MSRA: variants seen among roughly 807,000 people sequenced by gnomAD.
MSRA encodes the protein mitochondrial peptide methionine sulfoxide reductase.
Under a neutral mutation model 31.3 loss-of-function variants are expected in MSRA, and 54 were observed. The ratio of observed to expected loss-of-function variants is 1.73; its 90% CI spans 1.39 to 2.17. The LOEUF is 2.17. Among genes scored for constraint, MSRA ranks in the 30% most tolerant of loss-of-function variants. MSRA has a pLI of 0.00. For missense variants in MSRA, 507 were observed against 300.9 expected, an observed-to-expected ratio of 1.69 and a Z score of -5.07; for synonymous variants, 169 against 116.5, an observed-to-expected ratio of 1.45 and a Z score of -2.90.
chr8:10,266,981 ATCAGTGTTTTG>A (rs1798780083), intron 3 of MSRA, among the ~76,000 whole-genome samples: 1 of 152,218 alleles, frequency 6.6e-6, no homozygotes. Flanking sequence ...ATTAAGGGCA[ATCAGTGTTTTG>A]TTATATTCCT....
At chr8:10,419,152 T>C (rs1218662710) in intron 5 of MSRA, among the ~76,000 whole-genome samples, 2 of 152,062 alleles carry the variant, frequency 1.3e-5, no homozygotes, top group Non-Finnish European at 2.9e-5. Context: ...CCGACCCTGC[T>C]CTGTAGAATT....
At position 10,426,113 on chromosome 8, in the gene MSRA, C is replaced by T. The variant is rs116840972; in HGVS notation, c.544-2035C>T. Among the ~76,000 whole-genome samples the T allele has an allele frequency of 4.7e-3, 723 of 152,324 alleles. 2 individuals carry two copies. The highest frequency in any genetic ancestry group is 7.9e-3 in the Non-Finnish European group (537 of 68,030). ...AATGCTAGCGATGGTTCAAGTCACA[C>T]GGCCAGCACATACTCCATTTCCAAG... On this transcript the variant is annotated intron_variant, in intron 5 of 5. Transcript: ENST00000317173.
At chr8:10,233,192 C>G (rs1404804906) in intron 2 of MSRA, among the ~76,000 whole-genome samples, 1 of 152,204 alleles carries the variant, frequency 6.6e-6, no homozygotes, top group African/African-American at 2.4e-5. Context: ...CTTGTTGTAG[C>G]CACTGCTGCA....
intron 1 of MSRA, among the ~76,000 whole-genome samples, chr8:10,151,601 G>T (rs1283382025): frequency 6.6e-6 from 1 of 152,204 alleles, no homozygotes; most frequent in Non-Finnish European, 1.5e-5. Flanking sequence ...AGTGAGCCCA[G>T]ATCGCGCCAC....
chr8:10,208,337 C>A (rs544727215), intron 2 of MSRA, among the ~76,000 whole-genome samples: 1 of 152,058 alleles, frequency 6.6e-6, no homozygotes, highest in Non-Finnish European at 1.5e-5. Flanking sequence ...GAATTAAGCA[C>A]GCTCCTTAAG....
chr8:10,355,933 G>A (rs1339854139), intron 5 of MSRA, among the ~76,000 whole-genome samples: 1 of 152,104 alleles, frequency 6.6e-6, no homozygotes, highest in Non-Finnish European at 1.5e-5. Context: ...CTGGTATTCA[G>A]TACTAGAGCT....
chr8:10,190,965 A>G (rs1348756316), intron 1 of MSRA, among the ~76,000 whole-genome samples: 4 of 152,196 alleles, frequency 2.6e-5, no homozygotes, highest in Admixed American at 6.5e-5. Flanking sequence ...TGACTGGTCG[A>G]TCAGCTTCAG....
chr8:10,411,274 G>C (rs906772643), intron 5 of MSRA: 1 of 152,182 alleles, frequency 6.6e-6, no homozygotes, highest in Admixed American at 6.5e-5. Context: ...CAGGAAAACA[G>C]CCTTTTGTGG....
chr8:10,160,848 C>T (rs1456939968), intron 1 of MSRA, among the ~76,000 whole-genome samples: 2 of 152,184 alleles, frequency 1.3e-5, no homozygotes, highest in Admixed American at 6.5e-5. Flanking sequence ...TTTTAAAAAA[C>T]ATGAATCCAA....
At chr8:10,107,189 C>G (rs1168765238) in intron 1 of MSRA, among the ~76,000 whole-genome samples, 1 of 151,904 alleles carries the variant, frequency 6.6e-6, no homozygotes, top group Admixed American at 6.6e-5. Flanking sequence ...TCTTGTCCCT[C>G]TGCAACTCAG....
intron 5 of MSRA, among the ~76,000 whole-genome samples, chr8:10,338,908 C>A (rs56141232): frequency 0.17 from 26,488 of 152,220 alleles, 3,113 homozygotes; most frequent in Non-Finnish European, 0.26. Flanking sequence ...AGGTTATAAT[C>A]CAGAAAATGC....
At chr8:10,164,895 G>T (rs572902907) in intron 1 of MSRA, among the ~76,000 whole-genome samples, 4 of 152,130 alleles carry the variant, frequency 2.6e-5, no homozygotes, top group African/African-American at 4.8e-5. Flanking sequence ...TGGTGTTGTC[G>T]CAGACGCCTG....
Position 10,350,978 on chromosome 8 carries a change from C to T in MSRA, c.543+30989C>T, listed in dbSNP as rs1001629958. On this transcript the variant is annotated intron_variant, in intron 5 of 5. Transcript: ENST00000317173. Reference sequence around the variant, plus strand: ...TGACAAAGAGTGTGTTTTTAAACCACCCTCCAGAACTCTTACTCCCCATGA... The same window carrying T: ...TGACAAAGAGTGTGTTTTTAAACCATCCTCCAGAACTCTTACTCCCCATGA... Among the ~76,000 whole-genome samples, 8 of 146,112 alleles carry T rather than the reference C, an allele frequency of 5.5e-5. No homozygotes were observed. In the East Asian group the frequency reaches 2.7e-3, roughly 50 times the overall value.
intron 1 of MSRA, among the ~76,000 whole-genome samples, chr8:10,079,206 T>A (rs987461363): frequency 6.6e-6 from 1 of 152,166 alleles, no homozygotes; most frequent in African/African-American, 2.4e-5. Flanking sequence ...TGGGCCAGGC[T>A]GGAGTGCAGT....
intron 2 of MSRA, among the ~76,000 whole-genome samples, chr8:10,208,551 C>G (rs1183790636): frequency 6.6e-6 from 1 of 152,144 alleles, no homozygotes; most frequent in Admixed American, 6.6e-5. Context: ...ATGGCCCTTT[C>G]TTTGCCTGCC....
chr8:10,332,895 C>T (rs1253966314), intron 5 of MSRA, among the ~76,000 whole-genome samples: 6 of 152,194 alleles, frequency 3.9e-5, no homozygotes, highest in Admixed American at 1.3e-4. Flanking sequence ...GTATGACTGC[C>T]CTCTGCTGGC....
chr8:10,344,822 G>A (rs187080225), intron 5 of MSRA, among the ~76,000 whole-genome samples: 100 of 152,276 alleles, frequency 6.6e-4, no homozygotes, highest in Middle Eastern at 3.4e-3. Context: ...AATGACTACA[G>A]TGGACATATT....
rs577820422 is a variant in MSRA, at chr8:10,238,994, T to G, written c.212-6110T>G. 1.1e-4 allele frequency among the ~76,000 whole-genome samples: 16 copies of G among 152,168 alleles called. 1 individual carries two copies. Among genetic ancestry groups the G allele is most frequent in the African/African-American group, 3.9e-4 (16 of 41,520 alleles). ...ATATGAGGTAATATCTGTAATCATA[T>G]AACTGGCAAAAAATAGCATTCAAAA... On this transcript the variant is annotated intron_variant, in intron 2 of 5. Transcript: ENST00000317173.
chr8:10,213,273 C>T (rs1809674169), intron 2 of MSRA, among the ~76,000 whole-genome samples: 1 of 151,878 alleles, frequency 6.6e-6, no homozygotes, highest in Non-Finnish European at 1.5e-5. Flanking sequence ...TTTTAGATCC[C>T]ACAAATAAGT....
Sources: gnomAD v4.1 joint callset for allele counts (sites outside exome capture counted in the v4.1 genomes callset) on GRCh38, gnomAD v4.1.1 for gene constraint, MANE v1.5 for transcripts, NCBI Gene and HGNC (gene_info 2026-07-23, HGNC 2026-07-21) for gene names.